The following NAF1 variants were observed in gnomAD, a reference collection of about 807,000 sequenced individuals.
The protein encoded by NAF1 is nuclear assembly factor 1 ribonucleoprotein.
Under a neutral mutation model 40.6 loss-of-function variants are expected in NAF1, and 11 were observed. That is an observed-to-expected ratio of 0.27 (90% confidence interval 0.17 to 0.45). The LOEUF (loss-of-function observed/expected upper bound fraction) is 0.45, where lower values mean the gene tolerates loss of function less well. NAF1 is among the 20% of genes least tolerant of loss of function. The pLI, the probability that NAF1 is intolerant of heterozygous loss-of-function variation, is 1.00. For synonymous variants in NAF1, 260 were observed against 228.5 expected (o/e 1.14, Z -1.24); for missense variants, 607 against 611.1 (o/e 0.99, Z 0.07).
intron 2 of NAF1, among the ~76,000 whole-genome samples, chr4:163,116,466 T>C (rs1730341634): frequency 6.6e-6 from 1 of 152,218 alleles, no homozygotes; most frequent in Non-Finnish European, 1.5e-5. Context: ...AGTTAGTTTC[T>C]AGCAGAATTT....
intron 2 of NAF1, chr4:163,119,849 T>A (rs1730465069): frequency 6.6e-6 from 1 of 152,226 alleles, no homozygotes; most frequent in African/African-American, 2.4e-5. Context: ...AGGATTTGAA[T>A]GAATAAAATT....
intron 6 of NAF1, chr4:163,133,579 T>C: frequency 4.8e-6 from 1 of 209,984 alleles, no homozygotes; most frequent in South Asian, 1.1e-4. Context: ...ACTAAGCAAA[T>C]TATATATATT....
chr4:163,146,991 T>C (rs1035324302), intron 3 of NAF1, among the ~76,000 whole-genome samples: 2 of 152,188 alleles, frequency 1.3e-5, no homozygotes, highest in African/African-American at 4.8e-5. Context: ...AATTTTTCTG[T>C]ATACATCAAG....
Position 163,129,277 on chromosome 4 carries a change from G to A in NAF1, c.1105C>T (p.Arg369Cys), listed in dbSNP as rs148428012. 2.5e-5 allele frequency: 41 copies of A among 1,613,962 alleles called. No individual in the cohort carries two copies. Among genetic ancestry groups the A allele is most frequent in the Non-Finnish European group, 3.1e-5 (37 of 1,179,972 alleles). ...AATCCTCGTGTGAATTCTCTGTTAC[G>A]ATATCCTTTTGCATGCTCTGAAGCA... is the stretch of plus-strand genomic sequence containing the variant. ...SSASEHAKGY[R>C]NREFTRGFSR... is the part of the protein sequence containing the mutation. Residue 369 changes from arginine to cysteine, a missense_variant, in exon 8 of 8, where the codon CGT (arginine) becomes TGT (cysteine). Arg to Cys is a radical substitution (Grantham distance 180). Around this residue, in one of 3 missense-constraint regions of NAF1, gnomAD observed 189 missense variants for 216.6 expected, o/e 0.87. Transcript: ENST00000274054.
At chr4:163,148,571 T>C in intron 2 of NAF1, 137 bp from the exon 3 acceptor site, 7 of 584,602 alleles carry the variant, frequency 1.2e-5, no homozygotes, top group Non-Finnish European at 2.1e-5. Flanking sequence ...TGTTATCATT[T>C]TAGTGGTTGC....
At chr4:163,121,375 A>C (rs1730514422) in intron 2 of NAF1, among the ~76,000 whole-genome samples, 1 of 152,176 alleles carries the variant, frequency 6.6e-6, no homozygotes, top group Non-Finnish European at 1.5e-5. Context: ...GTAAAAAAAA[A>C]CTTTTGAAAT....
downstream of NAF1, among the ~76,000 whole-genome samples, chr4:163,109,787 A>G (rs1342658951): frequency 6.6e-6 from 1 of 152,090 alleles, no homozygotes; most frequent in African/African-American, 2.4e-5. Flanking sequence ...ATTACCTCAC[A>G]CTCTGCATAG....
chr4:163,147,139 T>C (rs953291872), intron 3 of NAF1, among the ~76,000 whole-genome samples: 2 of 152,178 alleles, frequency 1.3e-5, no homozygotes, highest in African/African-American at 4.8e-5. Flanking sequence ...ATTTTAATTA[T>C]TATTTTTGAA....
At chr4:163,134,234 A>G (rs1430407662) in intron 6 of NAF1, among the ~76,000 whole-genome samples, 1 of 152,186 alleles carries the variant, frequency 6.6e-6, no homozygotes, top group East Asian at 1.9e-4. Flanking sequence ...GTTTCATACA[A>G]AAAATATATG....
intron 2 of NAF1, chr4:163,117,510 T>G (rs976181829): frequency 6.6e-6 from 1 of 151,604 alleles, no homozygotes; most frequent in African/African-American, 2.4e-5. Context: ...ATTTACAGGT[T>G]TGTGCTTCTA....
intron 2 of NAF1, among the ~76,000 whole-genome samples, chr4:163,154,906 G>T (rs1046016677): frequency 6.8e-6 from 1 of 147,470 alleles, no homozygotes; most frequent in African/African-American, 2.5e-5. Context: ...AAAAAAAACA[G>T]AGCGAGAGAG....
intron 2 of NAF1, among the ~76,000 whole-genome samples, chr4:163,152,833 G>C (rs1280573245): frequency 1.3e-5 from 2 of 152,252 alleles, no homozygotes; most frequent in Non-Finnish European, 2.9e-5. Flanking sequence ...TCAGCTTGCA[G>C]AGAGGTGTGG....
At chr4:163,140,494 G>C (rs1445746733) in intron 4 of NAF1, 111 bp from the exon 5 acceptor site, 1 of 897,822 alleles carries the variant, frequency 1.1e-6, no homozygotes, top group African/African-American at 1.7e-5. Flanking sequence ...AGGTAATTTT[G>C]TCAGTGTTAG....
chr4:163,156,842 T>C (rs977846186), intron 2 of NAF1: 1 of 152,166 alleles, frequency 6.6e-6, no homozygotes, highest in African/African-American at 2.4e-5. Context: ...AAAATTAAAA[T>C]GCAACTAAAA....
intron 2 of NAF1, among the ~76,000 whole-genome samples, chr4:163,156,232 T>TA (rs1373007038): frequency 8.7e-6 from 1 of 115,364 alleles, no homozygotes; most frequent in Non-Finnish European, 1.9e-5. Flanking sequence ...GCACAGAAGA[T>TA]ACAAAGAATT....
At chr4:163,107,021 C>T (rs2110780717), downstream of NAF1, among the ~76,000 whole-genome samples, 1 of 151,776 alleles carries the variant, frequency 6.6e-6, no homozygotes, top group African/African-American at 2.4e-5. Flanking sequence ...GAGTCTCGCT[C>T]TGTCAGCCAG....
intron 7 of NAF1, among the ~76,000 whole-genome samples, chr4:163,130,338 A>G (rs1053152190): frequency 6.6e-6 from 1 of 152,230 alleles, no homozygotes. Flanking sequence ...ACAAGATATT[A>G]TGAACATTCT....
At chr4:163,118,631 T>C (rs1337028953) in intron 2 of NAF1, among the ~76,000 whole-genome samples, 3 of 152,118 alleles carry the variant, frequency 2.0e-5, no homozygotes, top group African/African-American at 4.8e-5. Context: ...CACATGCCTG[T>C]AGTCCCAGCT....
At chr4:163,159,779 T>TG (rs1287682341) in intron 2 of NAF1, among the ~76,000 whole-genome samples, 2 of 152,140 alleles carry the variant, frequency 1.3e-5, no homozygotes, top group African/African-American at 2.4e-5. Flanking sequence ...AAGCATTAAT[T>TG]TTTTTCTTGG....
Sources: allele counts gnomAD v4.1 joint callset (sites outside exome capture counted in the v4.1 genomes callset), GRCh38; gene constraint gnomAD v4.1.1; regional missense constraint gnomAD v4.1.1; transcripts MANE v1.5; gene names NCBI Gene and HGNC (gene_info 2026-07-23, HGNC 2026-07-21).